The following FAM83B variants were observed in gnomAD, a reference collection of about 807,000 sequenced individuals.
The protein encoded by FAM83B is protein FAM83B.
In FAM83B, 26 loss-of-function variants were observed where a neutral mutation model predicts 38.8. The ratio of observed to expected loss-of-function variants is 0.67; its 90% CI spans 0.49 to 0.93. The LOEUF is 0.93. Among genes scored for constraint, FAM83B ranks in the 40% least tolerant of loss-of-function variants. The probability of loss-of-function intolerance (pLI) is 0.00; values close to 1 mark genes in which losing one functional copy is unlikely to be tolerated. For missense variants in FAM83B, 1,237 were observed against 1,197.3 expected (o/e 1.03, Z -0.49); for synonymous variants, 419 against 423.1 (o/e 0.99, Z 0.12).
rs1278237044 is a variant in FAM83B at position 54,943,280 on chromosome 6, C to G, written c.*1273C>G. 1 of 152,088 alleles carries G rather than the reference C, an allele frequency of 6.6e-6. No individual in the cohort carries two copies. The highest frequency in any genetic ancestry group is 1.5e-5 in the Non-Finnish European group (1 of 68,018). The allele number at this position is 152,088 out of a possible 1,614,324, so 9.4% of individuals were successfully genotyped here. A position where few individuals can be genotyped will look rare whatever the true frequency, so the allele number is the denominator to read the frequency against. ...AGAAGTTTTACTGGGCTAGTTCTTC[C>G]ATGATTTGAGGATGATATTCAGATT... On this transcript the variant is annotated 3_prime_UTR_variant, in exon 5 of 5. Coordinates refer to ENST00000306858, the MANE Select transcript of FAM83B (RefSeq NM_001010872.3).
At chr6:54,936,075 C>A (rs1051435914) in intron 4 of FAM83B, among the ~76,000 whole-genome samples, 2 of 151,978 alleles carry the variant, frequency 1.3e-5, no homozygotes, top group Admixed American at 6.6e-5. Flanking sequence ...CTTCGGACTT[C>A]ATAGTTAATG....
chr6:54,927,658 T>C (rs554401029), intron 4 of FAM83B, 26 bp downstream of exon 4: 2 of 1,491,502 alleles, frequency 1.3e-6, no homozygotes, highest in Non-Finnish European at 1.8e-6. Context: ...TTAACTTCAG[T>C]GTTATCAATC....
intron 1 of FAM83B, among the ~76,000 whole-genome samples, chr6:54,863,136 G>A (rs1444790392): frequency 6.6e-6 from 1 of 152,062 alleles, no homozygotes; most frequent in East Asian, 1.9e-4. Context: ...CTGACATGAA[G>A]AAAGTCTCAG....
At chr6:54,873,018 TA>T (rs778029938) in intron 2 of FAM83B, among the ~76,000 whole-genome samples, 2,156 of 151,330 alleles carry the variant, frequency 0.014, 25 homozygotes, top group Non-Finnish European at 0.02. Flanking sequence ...TTATTTATTT[TA>T]TTTTTTTTAT....
chr6:54,883,547 G>C (rs1467378437), intron 2 of FAM83B, among the ~76,000 whole-genome samples: 1 of 148,858 alleles, frequency 6.7e-6, no homozygotes, highest in Non-Finnish European at 1.5e-5. Flanking sequence ...TGTTGGTCAG[G>C]CTGGTCTCGA....
intron 1 of FAM83B, among the ~76,000 whole-genome samples, chr6:54,853,136 A>T (rs2127571483): frequency 6.6e-6 from 1 of 152,294 alleles, no homozygotes; most frequent in East Asian, 1.9e-4. Flanking sequence ...GCTGAGAGAG[A>T]TGAGAAAGCT....
chr6:54,850,328 A>T (rs9475041), intron 1 of FAM83B, among the ~76,000 whole-genome samples: 11 of 151,914 alleles, frequency 7.2e-5, no homozygotes, highest in African/African-American at 2.2e-4. Flanking sequence ...CTATGTGGTC[A>T]CTCCTGTGTC....
intron 1 of FAM83B, among the ~76,000 whole-genome samples, chr6:54,862,565 TTTC>T (rs1235236752): frequency 6.6e-6 from 1 of 152,070 alleles, no homozygotes; most frequent in Non-Finnish European, 1.5e-5. Flanking sequence ...TCAGCAAGTG[TTTC>T]TTCTTCTTTT....
At chr6:54,919,664 T>A (rs1012771882) in intron 2 of FAM83B, among the ~76,000 whole-genome samples, 1 of 152,048 alleles carries the variant, frequency 6.6e-6, no homozygotes, top group Non-Finnish European at 1.5e-5. Flanking sequence ...CCTAGTAATA[T>A]ATAAATCAAC....
At chr6:54,936,661 C>A (rs1372793571) in intron 4 of FAM83B, among the ~76,000 whole-genome samples, 2 of 150,868 alleles carry the variant, frequency 1.3e-5, no homozygotes, top group Non-Finnish European at 2.9e-5. Flanking sequence ...TAGAACATGA[C>A]CCTTATTGCA....
intron 1 of FAM83B, among the ~76,000 whole-genome samples, chr6:54,847,731 A>G (rs12199500): frequency 0.019 from 2,916 of 152,146 alleles, 62 homozygotes; most frequent in South Asian, 0.089. Flanking sequence ...TTATAGGAGG[A>G]GGCTGGGAGG....
intron 2 of FAM83B, among the ~76,000 whole-genome samples, chr6:54,910,798 C>T (rs1026774008): frequency 2.0e-5 from 3 of 152,180 alleles, no homozygotes; most frequent in Non-Finnish European, 4.4e-5. Flanking sequence ...GTTAGATTCT[C>T]GTTTCTGGAC....
chr6:54,875,918 A>G (rs768826071), intron 2 of FAM83B, among the ~76,000 whole-genome samples: 1 of 152,174 alleles, frequency 6.6e-6, no homozygotes, highest in Non-Finnish European at 1.5e-5. Context: ...AACACATTCT[A>G]TATCTATTTT....
chr6:54,912,567 ATATAT>A (rs900009796), intron 2 of FAM83B, among the ~76,000 whole-genome samples: 2 of 151,728 alleles, frequency 1.3e-5, no homozygotes, highest in East Asian at 1.9e-4. Context: ...AATTTGAACT[ATATAT>A]TATATTTATA....
rs990980479 is a variant in FAM83B, at chr6:54,941,094, A to G, written c.2123A>G (p.Lys708Arg). Residue 708 changes from lysine to arginine, a missense_variant, in exon 5 of 5, where the codon AAA becomes AGA. Physicochemically the swap from Lys to Arg is conservative, Grantham distance 26. Transcript: ENST00000306858. Reference sequence around the variant, plus strand: ...AAAGAAGATTTGCTGAAAAGTTCTAAAAGCATGCACAATGTGACTCATAAC... The same window carrying G: ...AAAGAAGATTTGCTGAAAAGTTCTAGAAGCATGCACAATGTGACTCATAAC... ...KPKEDLLKSS[K>R]SMHNVTHNLE... The G allele has an allele frequency of 6.2e-7, 1 of 1,613,496 alleles. No homozygotes were observed.
At chr6:54,926,819 G>T (rs1773297545) in intron 3 of FAM83B, among the ~76,000 whole-genome samples, 1 of 151,874 alleles carries the variant, frequency 6.6e-6, no homozygotes. Flanking sequence ...TGCTACCTCC[G>T]CCTCCCAGGT....
At chr6:54,897,926 A>C (rs1772576522) in intron 2 of FAM83B, among the ~76,000 whole-genome samples, 1 of 152,208 alleles carries the variant, frequency 6.6e-6, no homozygotes, top group South Asian at 2.1e-4. Context: ...AAAATACCCG[A>C]ATGAATAAGA....
At chr6:54,887,774 A>G (rs892630555) in intron 2 of FAM83B, among the ~76,000 whole-genome samples, 4 of 151,762 alleles carry the variant, frequency 2.6e-5, no homozygotes, top group African/African-American at 9.7e-5. Context: ...AAATGTGTAT[A>G]TATGTATTTG....
At chr6:54,927,999 T>A (rs1420088381) in intron 4 of FAM83B, among the ~76,000 whole-genome samples, 1 of 152,218 alleles carries the variant, frequency 6.6e-6, no homozygotes, top group East Asian at 1.9e-4. Flanking sequence ...AGAAGCTATT[T>A]ACCACTTTAA....
Sources: allele counts gnomAD v4.1 joint callset (sites outside exome capture counted in the v4.1 genomes callset), GRCh38; gene constraint gnomAD v4.1.1; transcripts MANE v1.5; gene names NCBI Gene and HGNC (gene_info 2026-07-23, HGNC 2026-07-21).